The following PRKG1 variants were observed in gnomAD, a reference collection of about 807,000 sequenced individuals.
PRKG1 encodes the protein cGMP-dependent protein kinase 1.
A neutral mutation model predicts 88.1 loss-of-function variants in PRKG1; 35 were observed. The ratio of observed to expected loss-of-function variants is 0.40; its 90% confidence interval spans 0.30 to 0.53. The LOEUF (loss-of-function observed/expected upper bound fraction) is 0.53, where lower values mean the gene tolerates loss of function less well. PRKG1 is among the 20% of genes least tolerant of loss of function. PRKG1 has a pLI of 0.59. For synonymous variants in PRKG1, 303 were observed against 292.5 expected (o/e 1.04, Z -0.37); for missense variants, 540 against 839.8 (o/e 0.64, Z 4.41).
At chr10:51,782,564 CTG>C (rs1046890427) in intron 3 of PRKG1, among the ~76,000 whole-genome samples, 2 of 152,132 alleles carry the variant, frequency 1.3e-5, no homozygotes, top group Non-Finnish European at 2.9e-5. Flanking sequence ...TGGTTTGACT[CTG>C]TGTCCCAACT....
rs775992479 is a variant in PRKG1 at position 51,929,804 on chromosome 10, G to T, written c.762+22234G>T. Among the ~76,000 whole-genome samples, 6 of 152,042 alleles carry T rather than the reference G, an allele frequency of 3.9e-5. No homozygotes were observed. In the East Asian group the frequency reaches 1.2e-3, roughly 29 times the overall value. ...ATATTGAATTCTAACAAGATTTTTTGACTTTTGTTACCGTTTCTCTAACTG... is the reference window on the plus strand; with the variant it reads ...ATATTGAATTCTAACAAGATTTTTTTACTTTTGTTACCGTTTCTCTAACTG... On this transcript the variant is annotated intron_variant, in intron 5 of 17. Transcript: ENST00000373980.
At chr10:51,299,398 G>A (rs192765655) in intron 2 of PRKG1, among the ~76,000 whole-genome samples, 3 of 152,126 alleles carry the variant, frequency 2.0e-5, no homozygotes, top group African/African-American at 7.2e-5. Flanking sequence ...TAGAGATGGG[G>A]TTTCACCATG....
intron 1 of PRKG1, among the ~76,000 whole-genome samples, chr10:51,042,085 C>T (rs997178172): frequency 2.0e-5 from 3 of 152,158 alleles, no homozygotes; most frequent in African/African-American, 7.2e-5. Context: ...GTAAGCCCAG[C>T]TCATTTTGAC....
intron 2 of PRKG1, among the ~76,000 whole-genome samples, chr10:51,411,371 A>G (rs1052755986): frequency 5.3e-5 from 8 of 152,220 alleles, no homozygotes; most frequent in African/African-American, 1.9e-4. Flanking sequence ...TGGTATGATA[A>G]GGAATGTTTA....
intron 3 of PRKG1, among the ~76,000 whole-genome samples, chr10:51,627,949 T>TCC (rs1589142517): frequency 1.4e-4 from 7 of 49,086 alleles, no homozygotes; most frequent in South Asian, 1.1e-3. Context: ...TTCCTTTCTT[T>TCC]CTTTCTTTCT....
chr10:51,154,345 G>T (rs1298239866), intron 2 of PRKG1, among the ~76,000 whole-genome samples: 2 of 151,758 alleles, frequency 1.3e-5, no homozygotes, highest in Non-Finnish European at 2.9e-5. Context: ...TGATGTTGGG[G>T]GGACTGCTGA....
intron 3 of PRKG1, among the ~76,000 whole-genome samples, chr10:51,743,156 C>A (rs956089997): frequency 1.3e-5 from 2 of 152,066 alleles, no homozygotes; most frequent in Admixed American, 6.6e-5. Context: ...AACTACGAAG[C>A]AAATTAGCTT....
intron 3 of PRKG1, among the ~76,000 whole-genome samples, chr10:51,770,138 T>C (rs1374006653): frequency 6.6e-6 from 1 of 152,236 alleles, no homozygotes; most frequent in Non-Finnish European, 1.5e-5. Context: ...TCAAGAGATA[T>C]TATGCGTCCT....
intron 4 of PRKG1, among the ~76,000 whole-genome samples, chr10:51,807,912 G>A (rs778275655): frequency 2.6e-5 from 4 of 152,172 alleles, no homozygotes; most frequent in South Asian, 2.1e-4. Flanking sequence ...GGAGGCAGGA[G>A]AAGGTCAGAA....
rs2132434278 is a variant in PRKG1, at chr10:52,272,410, G to A, written c.1332G>A (p.Lys444=). The A allele has an allele frequency of 1.2e-6, 2 of 1,607,724 alleles. No homozygotes were observed. The highest frequency in any genetic ancestry group is 1.7e-6 in the Non-Finnish European group (2 of 1,175,446). The change falls in exon 12 of 18, where the codon AAG becomes AAA. Residue 444 remains lysine, a synonymous_variant. Transcript: ENST00000373980. ...DFIVRLYRTF[K]DSKYLYMLME... The stretch of plus-strand genomic sequence containing the variant: ...TTTACAGACTGTACAGAACATTTAA[G>A]GACAGCAAATATTTGTATATGTTGA...
chr10:51,972,675 G>T (rs1236321347), intron 5 of PRKG1, among the ~76,000 whole-genome samples: 1 of 152,034 alleles, frequency 6.6e-6, no homozygotes, highest in Non-Finnish European at 1.5e-5. Flanking sequence ...AAGAAATGTA[G>T]AATTTAATAT....
intron 2 of PRKG1, among the ~76,000 whole-genome samples, chr10:51,157,519 T>G (rs1846244126): frequency 6.6e-6 from 1 of 151,928 alleles, no homozygotes. Context: ...ACAGATAAAC[T>G]TCAGTCTACA....
chr10:51,144,278 T>G (rs1845888135), intron 1 of PRKG1, among the ~76,000 whole-genome samples: 2 of 152,140 alleles, frequency 1.3e-5, no homozygotes, highest in Non-Finnish European at 2.9e-5. Flanking sequence ...ATTCAAATTG[T>G]CAGTGAAATT....
At chr10:51,257,110 T>C (rs185972867) in intron 2 of PRKG1, among the ~76,000 whole-genome samples, 1 of 151,330 alleles carries the variant, frequency 6.6e-6, no homozygotes, top group African/African-American at 2.4e-5. Flanking sequence ...TTCCTAGGTG[T>C]CGAGCTTTAA....
chr10:52,197,374 T>C (rs1243779341), intron 9 of PRKG1, among the ~76,000 whole-genome samples: 3 of 152,214 alleles, frequency 2.0e-5, no homozygotes, highest in African/African-American at 2.4e-5. Flanking sequence ...TTCTACTGCT[T>C]GTTGTTTCAA....
chr10:51,473,721 A>G (rs530167801), intron 3 of PRKG1, among the ~76,000 whole-genome samples: 1 of 151,844 alleles, frequency 6.6e-6, no homozygotes, highest in East Asian at 1.9e-4. Context: ...CAGGTAATTT[A>G]TGAGGAAATC....
intron 3 of PRKG1, among the ~76,000 whole-genome samples, chr10:51,776,865 T>C (rs538022159): frequency 1.3e-5 from 2 of 152,072 alleles, no homozygotes; most frequent in South Asian, 4.2e-4. Flanking sequence ...GCTTAAACTT[T>C]AGAAGACTAT....
chr10:51,664,516 A>T (rs575052598), intron 3 of PRKG1, among the ~76,000 whole-genome samples: 10 of 152,258 alleles, frequency 6.6e-5, no homozygotes, highest in African/African-American at 1.9e-4. Context: ...CTCATTTTGC[A>T]TCTAGTCTAT....
intron 1 of PRKG1, among the ~76,000 whole-genome samples, chr10:51,129,374 G>C (rs531588767): frequency 6.6e-6 from 1 of 152,236 alleles, no homozygotes; most frequent in South Asian, 2.1e-4. Flanking sequence ...GAACCCGAGA[G>C]GCGGGGGTTG....
Sources: allele counts gnomAD v4.1 joint callset (sites outside exome capture counted in the v4.1 genomes callset), GRCh38; gene constraint gnomAD v4.1.1; transcripts MANE v1.5; gene names NCBI Gene and HGNC (gene_info 2026-07-23, HGNC 2026-07-21).